GLDC: variants seen among roughly 807,000 people sequenced by gnomAD.
The protein encoded by GLDC is glycine dehydrogenase (decarboxylating), mitochondrial.
Under a neutral mutation model 121.3 loss-of-function variants are expected in GLDC, and 104 were observed. The observed-to-expected ratio is 0.86, with a 90% CI of 0.73 to 1.01. The LOEUF (loss-of-function observed/expected upper bound fraction) is 1.01, where lower values mean the gene tolerates loss of function less well. GLDC is among the 50% of genes least tolerant of loss of function. The pLI is 0.00. For synonymous variants in GLDC, 546 were observed against 480.6 expected, an observed-to-expected ratio of 1.14 and a Z score of -1.78; for missense variants, 1,429 against 1,306.6, an observed-to-expected ratio of 1.09 and a Z score of -1.44.
chr9:6,561,487 A>G (rs7860596), intron 16 of GLDC, among the ~76,000 whole-genome samples: 53,675 of 151,578 alleles, frequency 0.35, 9,785 homozygotes, highest in Middle Eastern at 0.4. Flanking sequence ...TGTCTCTAAT[A>G]AAAATACAAA....
intron 21 of GLDC, among the ~76,000 whole-genome samples, chr9:6,544,046 G>T (rs1028917145): frequency 6.6e-6 from 1 of 152,174 alleles, no homozygotes; most frequent in Non-Finnish European, 1.5e-5. Flanking sequence ...TGAGAGAAGG[G>T]ACCAGACCTT....
intron 21 of GLDC, among the ~76,000 whole-genome samples, chr9:6,546,770 C>T (rs749827613): frequency 1.4e-4 from 21 of 151,634 alleles, no homozygotes; most frequent in African/African-American, 2.7e-4. Context: ...GAGACCAGCC[C>T]GGGCAACAGG....
At chr9:6,546,365 CTTTTTT>C (rs34760385) in intron 21 of GLDC, among the ~76,000 whole-genome samples, 5 of 138,078 alleles carry the variant, frequency 3.6e-5, no homozygotes, top group Non-Finnish European at 6.3e-5. Context: ...TTAATTTTTT[CTTTTTT>C]TTTTTTTTTG....
chr9:6,539,674 A>G (rs893066962), intron 22 of GLDC, among the ~76,000 whole-genome samples: 1 of 152,222 alleles, frequency 6.6e-6, no homozygotes, highest in South Asian at 2.1e-4. Flanking sequence ...CTCTAGAAGC[A>G]GCTGAAACAG....
chr9:6,626,523 G>T (rs1377307914), intron 2 of GLDC, among the ~76,000 whole-genome samples: 1 of 115,186 alleles, frequency 8.7e-6, no homozygotes, highest in Admixed American at 8.3e-5. Context: ...CAAGACTGTG[G>T]GTCTTTATAA....
chr9:6,620,090 T>G (rs1030717536), intron 3 of GLDC, 94 bp downstream of exon 3: 32 of 1,218,532 alleles, frequency 2.6e-5, no homozygotes, highest in Non-Finnish European at 3.9e-5. Flanking sequence ...TGGGTGTCAG[T>G]GTGGAGGCTC....
intron 22 of GLDC, among the ~76,000 whole-genome samples, chr9:6,536,559 A>G (rs1297432301): frequency 6.6e-6 from 1 of 152,214 alleles, no homozygotes; most frequent in Non-Finnish European, 1.5e-5. Flanking sequence ...CCACATAATG[A>G]TATCCCATTT....
intron 2 of GLDC, among the ~76,000 whole-genome samples, chr9:6,625,492 A>G (rs1227914966): frequency 6.6e-6 from 1 of 152,314 alleles, no homozygotes; most frequent in East Asian, 1.9e-4. Flanking sequence ...TCCTCATAGT[A>G]AGTGAAACCG....
chr9:6,628,556 C>T (rs1368203028), intron 2 of GLDC, among the ~76,000 whole-genome samples: 1 of 152,098 alleles, frequency 6.6e-6, no homozygotes, highest in Non-Finnish European at 1.5e-5. Flanking sequence ...TTTGGGAGGC[C>T]GAGGCAGAAG....
Position 6,629,570 on chromosome 9 carries a change from G to T in GLDC, c.335-9251C>A, listed in dbSNP as rs185640423. 4.4e-3 allele frequency among the ~76,000 whole-genome samples: 667 copies of T among 151,484 alleles called. 3 individuals carry two copies. The highest frequency in any genetic ancestry group is 5.3e-3 in the Non-Finnish European group (357 of 67,944). Reference sequence around the variant, plus strand: ...GAACTGGAAAAATGTCATTAAAATGGACAGGCAATCTGTATGAGTCAAGAT... The same window carrying T: ...GAACTGGAAAAATGTCATTAAAATGTACAGGCAATCTGTATGAGTCAAGAT... On this transcript the variant is annotated intron_variant, in intron 2 of 24. Coordinates refer to ENST00000321612, the MANE Select transcript of GLDC (RefSeq NM_000170.3).
At chr9:6,641,096 A>G (rs1442455383) in intron 2 of GLDC, among the ~76,000 whole-genome samples, 2 of 152,182 alleles carry the variant, frequency 1.3e-5, no homozygotes, top group Non-Finnish European at 2.9e-5. Context: ...GTATTTTGTC[A>G]AGGCACTTTC....
chr9:6,635,959 T>G (rs1819494123), intron 2 of GLDC, among the ~76,000 whole-genome samples: 1 of 152,168 alleles, frequency 6.6e-6, no homozygotes, highest in Non-Finnish European at 1.5e-5. Flanking sequence ...TACAGTTGTC[T>G]AAACCCCTAG....
intron 15 of GLDC, among the ~76,000 whole-genome samples, chr9:6,583,518 C>T (rs10975660): frequency 0.088 from 13,383 of 152,048 alleles, 848 homozygotes; most frequent in Non-Finnish European, 0.12. Flanking sequence ...TCTACAAAAA[C>T]TTTTAAAAAT....
At chr9:6,559,233 G>A (rs188722760) in intron 16 of GLDC, among the ~76,000 whole-genome samples, 117 of 152,226 alleles carry the variant, frequency 7.7e-4, no homozygotes, top group African/African-American at 7.0e-4. Flanking sequence ...TGATCAACCC[G>A]GCCAGGTGCA....
At chr9:6,545,073 T>G (rs914552849) in intron 21 of GLDC, among the ~76,000 whole-genome samples, 2 of 150,742 alleles carry the variant, frequency 1.3e-5, no homozygotes, top group African/African-American at 4.9e-5. Context: ...CAATCCAGTC[T>G]GGGTAACAAG....
intron 16 of GLDC, among the ~76,000 whole-genome samples, chr9:6,563,066 G>A (rs1396880465): frequency 6.6e-6 from 1 of 152,184 alleles, no homozygotes; most frequent in Non-Finnish European, 1.5e-5. Context: ...GGGGCCAAGA[G>A]AAACATCACA....
chr9:6,545,696 A>C (rs1309054308), intron 21 of GLDC, among the ~76,000 whole-genome samples: 1 of 152,152 alleles, frequency 6.6e-6, no homozygotes, highest in Non-Finnish European at 1.5e-5. Flanking sequence ...GCTGGAGTGC[A>C]GTGGCGCAAT....
At chr9:6,583,169 A>G (rs544511652) in intron 15 of GLDC, among the ~76,000 whole-genome samples, 1 of 152,282 alleles carries the variant, frequency 6.6e-6, no homozygotes, top group South Asian at 2.1e-4. Context: ...TTCCTCAAAA[A>G]ATTAAACATA....
chr9:6,639,687 A>G, intron 2 of GLDC: 1 of 235,502 alleles, frequency 4.2e-6, no homozygotes, highest in Non-Finnish European at 7.6e-6. Flanking sequence ...ATATATATAT[A>G]TGGACAAAAC....
Sources: gnomAD v4.1 joint callset for allele counts (sites outside exome capture counted in the v4.1 genomes callset) on GRCh38, gnomAD v4.1.1 for gene constraint, MANE v1.5 for transcripts, NCBI Gene and HGNC (gene_info 2026-07-23, HGNC 2026-07-21) for gene names.